ARL10: variants seen among roughly 807,000 people sequenced by gnomAD.
ARL10 encodes the protein ARF like GTPase 10.
A neutral mutation model predicts 26.1 loss-of-function variants in ARL10; 23 were observed. The observed-to-expected ratio is 0.88, with a 90% CI of 0.63 to 1.25. The LOEUF is 1.25. Among genes scored for constraint, ARL10 ranks in the 50% most tolerant of loss-of-function variants. The pLI, the probability that ARL10 is intolerant of heterozygous loss-of-function variation, is 0.00. For synonymous variants in ARL10, 138 were observed against 149.1 expected, an observed-to-expected ratio of 0.93 and a Z score of 0.54; for missense variants, 300 against 323.6, an observed-to-expected ratio of 0.93 and a Z score of 0.56.
rs1430950023 is a variant in ARL10 at position 176,365,541 on chromosome 5, A to C, written c.-23A>C. 1 of 1,224,470 alleles carries C rather than the reference A, an allele frequency of 8.2e-7. No individual in the cohort carries two copies. 75.9% of individuals were successfully genotyped at this position (1,224,470 alleles called of 1,614,324 possible). On this transcript the variant is annotated 5_prime_UTR_variant, in exon 1 of 4. Coordinates refer to ENST00000310389, the MANE Select transcript of ARL10 (RefSeq NM_173664.6). ...AGTGGGCTCGGCCTGTGCAACCCGCACCTGCGTCCCTCGCCCGGCCCGATG... is the reference window on the plus strand; with the variant it reads ...AGTGGGCTCGGCCTGTGCAACCCGCCCCTGCGTCCCTCGCCCGGCCCGATG...
At position 176,372,029 on chromosome 5, in the gene ARL10, A is replaced by C; in HGVS notation, c.*134A>C. 6.9e-7 allele frequency: 1 copy of C among 1,458,810 alleles called. No homozygotes were observed. Among genetic ancestry groups the C allele is most frequent in the Non-Finnish European group, 9.0e-7 (1 of 1,106,720 alleles). 90.4% of individuals were successfully genotyped at this position (1,458,810 alleles called of 1,614,324 possible). ...TTCCCCTCCTTTGCCTTTCAAGAGC[A>C]GGGCCTGGGCAAGGCCAAGAACCAT... On this transcript the variant is annotated 3_prime_UTR_variant, in exon 4 of 4. Coordinates refer to ENST00000310389, the MANE Select transcript of ARL10 (RefSeq NM_173664.6).
chr5:176,406,811 GC>G, downstream of ARL10: 1 of 854,318 alleles, frequency 1.2e-6, no homozygotes. Context: ...GCAGGTGCAG[GC>G]CAGACCTGCT....
rs1195034535 is a variant in ARL10, at chr5:176,368,818, C to T, written c.397C>T (p.Gln133Ter). 3.1e-6 allele frequency: 5 copies of T among 1,611,496 alleles called. No individual in the cohort carries two copies. Among genetic ancestry groups the T allele is most frequent in the South Asian group, 1.1e-5 (1 of 90,872 alleles). The change falls in exon 3 of 4, where the codon CAG becomes TAG. Residue 133 changes from glutamine to a stop codon, truncating the protein, a stop_gained. Coordinates refer to ENST00000310389, the MANE Select transcript of ARL10 (RefSeq NM_173664.6). LOFTEE classifies it high-confidence loss of function. This position sits in a 1 kb window ranked among gnomAD's most constrained non-coding sequence, Gnocchi z 4.1. ...TGGCCTCTCCTCAGTTGGGGGCAGCCAGAACCTGCGCTTCTACTGGAAGGA... is the reference window on the plus strand; with the variant it reads ...TGGCCTCTCCTCAGTTGGGGGCAGCTAGAACCTGCGCTTCTACTGGAAGGA... ...EVDLLEIGGS[Q>*]NLRFYWKEFV...
chr5:176,388,755 T>C, downstream of ARL10: 2 of 1,576,870 alleles, frequency 1.3e-6, no homozygotes, highest in Non-Finnish European at 1.7e-6. Context: ...CCCCGCCCCT[T>C]TCATGACCTT....
At position 176,366,596 on chromosome 5, in the gene ARL10, T is replaced by A. The variant is rs1232913347; in HGVS notation, c.385+15T>A. 9 of 1,612,862 alleles carry A rather than the reference T, an allele frequency of 5.6e-6. No individual in the cohort carries two copies. Among genetic ancestry groups the A allele is most frequent in the Non-Finnish European group, 6.8e-6 (8 of 1,179,606 alleles). ...CCTGCTAGAAAGTGAGCGGACACCC[T>A]ACCCCATCTCCCCGTCTCCTCTACT... On this transcript the variant is annotated intron_variant, in intron 2 of 3. Coordinates refer to ENST00000310389, the MANE Select transcript of ARL10 (RefSeq NM_173664.6).
downstream of ARL10, chr5:176,388,683 AC>A (rs1756102638): frequency 4.4e-6 from 6 of 1,363,388 alleles, no homozygotes; most frequent in Admixed American, 6.0e-5. Context: ...CGTGCTGAGC[AC>A]TACGACTCCC....
At chr5:176,365,987 A>C (rs1768281006) in intron 1 of ARL10, among the ~76,000 whole-genome samples, 1 of 152,150 alleles carries the variant, frequency 6.6e-6, no homozygotes, top group African/African-American at 2.4e-5. Context: ...GCTCCACGCC[A>C]TGAGGCTCGG....
chr5:176,383,683 G>C (rs1755610817), downstream of ARL10, among the ~76,000 whole-genome samples: 1 of 152,384 alleles, frequency 6.6e-6, no homozygotes, highest in Middle Eastern at 3.4e-3. Flanking sequence ...CCCCAGCCTA[G>C]TGGGGGGACT....
chr5:176,393,216 C>T (rs943285277), downstream of ARL10, among the ~76,000 whole-genome samples: 4 of 152,136 alleles, frequency 2.6e-5, no homozygotes, highest in South Asian at 2.1e-4. This position sits in a 1 kb window ranked among gnomAD's most constrained non-coding sequence, Gnocchi z 4.4. Flanking sequence ...GGTCTCAGTG[C>T]GGGCCTCACC....
At chr5:176,399,260 A>C (rs1756696688) in intron 1 of ARL10, among the ~76,000 whole-genome samples, 1 of 152,196 alleles carries the variant, frequency 6.6e-6, no homozygotes, top group Admixed American at 6.5e-5. Context: ...GCAGATGCTC[A>C]GTAGATGTTT....
the ARL10 span, among the ~76,000 whole-genome samples, chr5:176,411,545 C>T: frequency 6.6e-6 from 1 of 152,156 alleles, no homozygotes; most frequent in South Asian, 2.1e-4. Flanking sequence ...ATTCCTCCTG[C>T]AGTATTAAGC....
At chr5:176,371,045 A>G (rs1346108325) in intron 3 of ARL10, among the ~76,000 whole-genome samples, 2 of 152,200 alleles carry the variant, frequency 1.3e-5, no homozygotes, top group Non-Finnish European at 2.9e-5. Flanking sequence ...GCTGAAGTAT[A>G]TACGGGCCTA....
At chr5:176,390,082 T>G (rs1756200470), downstream of ARL10, among the ~76,000 whole-genome samples, 1 of 147,752 alleles carries the variant, frequency 6.8e-6, no homozygotes. Flanking sequence ...CTCGCGAGGC[T>G]GAGGCAGGAG....
rs1482470330 is a variant in ARL10 at position 176,373,288 on chromosome 5, G to A, written c.*1393G>A. 1.3e-5 allele frequency: 5 copies of A among 374,132 alleles called. No individual in the cohort carries two copies. The highest frequency in any genetic ancestry group is 2.4e-5 in the Non-Finnish European group (5 of 211,076). 23.2% of individuals were successfully genotyped at this position (374,132 alleles called of 1,614,324 possible). Reference sequence around the variant, plus strand: ...CTGAATTTCTGGAGTTCTCATCAGTGCACATTCCATAGTTCTCCAGTGCTT... The same window carrying A: ...CTGAATTTCTGGAGTTCTCATCAGTACACATTCCATAGTTCTCCAGTGCTT... On this transcript the variant is annotated 3_prime_UTR_variant, in exon 4 of 4. Transcript: ENST00000310389.
the ARL10 span, among the ~76,000 whole-genome samples, chr5:176,412,647 G>A: frequency 6.6e-6 from 1 of 152,110 alleles, no homozygotes; most frequent in East Asian, 1.9e-4. Context: ...TCAAGGGAAG[G>A]GTACTTAATC....
downstream of ARL10, chr5:176,389,410 G>A (rs1223718653): frequency 1.2e-6 from 2 of 1,614,186 alleles, no homozygotes; most frequent in Non-Finnish European, 1.7e-6. Context: ...CTCAGCTCAT[G>A]ATGCGCACCC....
intron 2 of ARL10, among the ~76,000 whole-genome samples, chr5:176,366,911 A>G (rs1337041679): frequency 6.6e-6 from 1 of 152,080 alleles, no homozygotes; most frequent in East Asian, 1.9e-4. Flanking sequence ...CAATTACATA[A>G]AACTAGAATC....
At chr5:176,369,052 G>C in intron 3 of ARL10, 70 bp downstream of exon 3, 1 of 1,578,448 alleles carries the variant, frequency 6.3e-7, no homozygotes, top group East Asian at 2.3e-5. Context: ...GGGGCAAGGA[G>C]CGCTGCCTGG....
Position 176,365,560 on chromosome 5 carries a change from C to A in ARL10, c.-4C>A. 1 of 1,232,568 alleles carries A rather than the reference C, an allele frequency of 8.1e-7. No homozygotes were observed. Among genetic ancestry groups the A allele is most frequent in the Middle Eastern group, 2.7e-4 (1 of 3,704 alleles). The allele number at this position is 1,232,568 out of a possible 1,614,324, so 76.4% of individuals were successfully genotyped here. A position where few individuals can be genotyped will look rare whatever the true frequency, so the allele number is the denominator to read the frequency against. Reference sequence around the variant, plus strand: ...ACCCGCACCTGCGTCCCTCGCCCGGCCCGATGGCGCCGCGGCCGCTGGGCC... The same window carrying A: ...ACCCGCACCTGCGTCCCTCGCCCGGACCGATGGCGCCGCGGCCGCTGGGCC... On this transcript the variant is annotated 5_prime_UTR_variant, in exon 1 of 4. Transcript: ENST00000310389.
Sources: allele counts gnomAD v4.1 joint callset (sites outside exome capture counted in the v4.1 genomes callset), GRCh38; gene constraint gnomAD v4.1.1; non-coding constraint Gnocchi (gnomAD v3.1); transcripts MANE v1.5; gene names NCBI Gene and HGNC (gene_info 2026-07-23, HGNC 2026-07-21).